MEI4: variants seen among roughly 807,000 people sequenced by gnomAD.
MEI4 encodes the protein meiosis-specific protein MEI4.
A neutral mutation model predicts 31.4 loss-of-function variants in MEI4; 27 were observed. That is an observed-to-expected ratio of 0.86 (90% CI 0.63 to 1.19). The LOEUF (loss-of-function observed/expected upper bound fraction) is 1.19, where lower values mean the gene tolerates loss of function less well. Ranked by LOEUF, MEI4 falls within the 50% of genes most tolerant of loss-of-function variation. The probability of loss-of-function intolerance (pLI) is 0.00; values close to 1 mark genes in which losing one functional copy is unlikely to be tolerated. For missense variants in MEI4, 329 were observed against 398.9 expected (o/e 0.82, Z 1.49); for synonymous variants, 122 against 145.4 (o/e 0.84, Z 1.16).
intron 2 of MEI4, among the ~76,000 whole-genome samples, chr6:77,757,355 T>C (rs548646860): frequency 2.0e-5 from 3 of 152,310 alleles, no homozygotes; most frequent in East Asian, 3.9e-4. Context: ...GAGATTCTTC[T>C]TTGTGTGTTT....
At chr6:77,726,839 A>G (rs1766836895) in intron 2 of MEI4, among the ~76,000 whole-genome samples, 1 of 139,688 alleles carries the variant, frequency 7.2e-6, no homozygotes, top group Non-Finnish European at 1.6e-5. Flanking sequence ...AAATAAGCTT[A>G]TTTAATAACT....
At chr6:77,854,964 A>G (rs1041514682) in intron 4 of MEI4, among the ~76,000 whole-genome samples, 2 of 128,684 alleles carry the variant, frequency 1.6e-5, no homozygotes, top group African/African-American at 5.8e-5. Context: ...CCAAAATAAT[A>G]ATAATAGACA....
chr6:77,742,695 C>T (rs1216737059), intron 2 of MEI4, among the ~76,000 whole-genome samples: 1 of 152,164 alleles, frequency 6.6e-6, no homozygotes, highest in African/African-American at 2.4e-5. Flanking sequence ...AGTCCTTGCC[C>T]ATGCCTGTGT....
At position 77,821,079 on chromosome 6, in the gene MEI4, T is replaced by C. The variant is rs113454139; in HGVS notation, c.769-7852T>C. On this transcript the variant is annotated intron_variant, in intron 3 of 4. Coordinates refer to ENST00000684080, the MANE Select transcript of MEI4 (RefSeq NM_001322247.2). ...AGTTTATTGCCTTTCTCTTTACTTGTAACTAATTTGTTTATTATTTCATTC... is the reference window on the plus strand; with the variant it reads ...AGTTTATTGCCTTTCTCTTTACTTGCAACTAATTTGTTTATTATTTCATTC... Among the ~76,000 whole-genome samples, 788 of 152,254 alleles carry C rather than the reference T, an allele frequency of 5.2e-3. 7 individuals are homozygous for C. Among genetic ancestry groups the C allele is most frequent in the African/African-American group, 0.018 (769 of 41,570 alleles).
chr6:77,889,165 G>T (rs58186936), intron 4 of MEI4, among the ~76,000 whole-genome samples: 1 of 152,096 alleles, frequency 6.6e-6, no homozygotes, highest in East Asian at 1.9e-4. Context: ...GGTATCTGCT[G>T]TTGTCCCCAC....
chr6:77,687,490 A>C (rs1769079749), intron 1 of MEI4, among the ~76,000 whole-genome samples: 1 of 152,034 alleles, frequency 6.6e-6, no homozygotes, highest in Non-Finnish European at 1.5e-5. Flanking sequence ...TCTGACACTA[A>C]CTACCTGGAG....
intron 4 of MEI4, among the ~76,000 whole-genome samples, chr6:77,835,429 A>T (rs1770195730): frequency 1.3e-5 from 2 of 151,254 alleles, no homozygotes; most frequent in Admixed American, 6.6e-5. Context: ...AAGAAGAGAA[A>T]AAAGCTCCCA....
chr6:77,916,682 C>A (rs1766557322), intron 4 of MEI4, among the ~76,000 whole-genome samples: 3 of 151,978 alleles, frequency 2.0e-5, no homozygotes, highest in Non-Finnish European at 4.4e-5. Context: ...CTTTGCTTAT[C>A]CATTAGAAAC....
chr6:77,754,992 T>C (rs9343655), intron 2 of MEI4, among the ~76,000 whole-genome samples: 22,627 of 152,020 alleles, frequency 0.15, 2,037 homozygotes, highest in East Asian at 0.39. Context: ...TGGGTTTAAT[T>C]TTATGGGTAA....
intron 3 of MEI4, among the ~76,000 whole-genome samples, chr6:77,785,279 G>C (rs568065361): frequency 6.6e-6 from 1 of 152,144 alleles, no homozygotes; most frequent in Non-Finnish European, 1.5e-5. Context: ...GCTCTCTGGA[G>C]TAAGAGATGA....
At chr6:77,841,333 A>ATATTTTTTTTTTTTTTTTT in intron 4 of MEI4, among the ~76,000 whole-genome samples, 1 of 27,748 alleles carries the variant, frequency 3.6e-5, no homozygotes, top group African/African-American at 3.3e-4. Context: ...ATATATATAT[A>ATATTTTTTTTTTTTTTTTT]TTTTTTTTTT....
At chr6:77,800,145 T>C (rs1769207052) in intron 3 of MEI4, among the ~76,000 whole-genome samples, 1 of 152,164 alleles carries the variant, frequency 6.6e-6, no homozygotes, top group African/African-American at 2.4e-5. Flanking sequence ...TGTTCTTCCA[T>C]TTCTTTGTAT....
At chr6:77,691,862 T>C (rs527878997) in intron 2 of MEI4, among the ~76,000 whole-genome samples, 1 of 152,146 alleles carries the variant, frequency 6.6e-6, no homozygotes, top group African/African-American at 2.4e-5. Context: ...CACTGGGCTT[T>C]TTTGAAGCAG....
chr6:77,690,883 G>A lies in MEI4; in HGVS notation c.212G>A (p.Cys71Tyr). Residue 71 changes from cysteine to tyrosine, a missense_variant, in exon 2 of 5, where the codon TGT becomes TAT. By Grantham distance (194) the Cys-to-Tyr change is radical. Coordinates refer to ENST00000684080, the MANE Select transcript of MEI4 (RefSeq NM_001322247.2). ...CAAAAACTTCTTGTGAGCAGGCTTT[G>A]TTCAGGATCCTTTAAGAGTGGTGAG... ...LRQKLLVSRL[C>Y]SGSFKSGYVS... is the part of the protein sequence containing the mutation. The A allele has an allele frequency of 8.1e-7, 1 of 1,231,098 alleles. No individual in the cohort carries two copies. Among genetic ancestry groups the A allele is most frequent in the Non-Finnish European group, 1.0e-6 (1 of 987,128 alleles). 76.3% of individuals were successfully genotyped at this position (1,231,098 alleles called of 1,614,324 possible). A position where few individuals can be genotyped will look rare whatever the true frequency, so the allele number is the denominator to read the frequency against.
intron 4 of MEI4, among the ~76,000 whole-genome samples, chr6:77,917,874 TTTC>T (rs906463470): frequency 6.8e-6 from 1 of 147,822 alleles, no homozygotes; most frequent in Non-Finnish European, 1.5e-5. Context: ...ATGCCTAGGT[TTTC>T]TTCTAGGGTT....
chr6:77,790,367 G>T (rs955984379), intron 3 of MEI4, among the ~76,000 whole-genome samples: 1 of 151,986 alleles, frequency 6.6e-6, no homozygotes, highest in East Asian at 1.9e-4. Context: ...CCTGCACGTT[G>T]TGCACATGTA....
Position 77,806,888 on chromosome 6 carries a change from A to G in MEI4, c.769-22043A>G, listed in dbSNP as rs73760051. 9.1e-3 allele frequency among the ~76,000 whole-genome samples: 1,392 copies of G among 152,270 alleles called. 17 individuals are homozygous for G. Among genetic ancestry groups the G allele is most frequent in the African/African-American group, 0.031 (1,288 of 41,558 alleles). On this transcript the variant is annotated intron_variant, in intron 3 of 4. Coordinates refer to ENST00000684080, the MANE Select transcript of MEI4 (RefSeq NM_001322247.2). Reference sequence around the variant, plus strand: ...ACACCCATGTGTTTATGTGTTGTCTATGGCTGCTTTTGTACCACAATGGCA... The same window carrying G: ...ACACCCATGTGTTTATGTGTTGTCTGTGGCTGCTTTTGTACCACAATGGCA...
upstream of MEI4, among the ~76,000 whole-genome samples, chr6:77,651,274 A>G (rs115053867): frequency 6.6e-6 from 1 of 152,188 alleles, no homozygotes; most frequent in Admixed American, 6.5e-5. Context: ...CCACATATGT[A>G]TGGAGAAAAC....
chr6:77,922,014 A>G (rs750746384), intron 4 of MEI4, among the ~76,000 whole-genome samples: 13 of 151,766 alleles, frequency 8.6e-5, no homozygotes, highest in Non-Finnish European at 1.5e-5. Flanking sequence ...CTGATAGACT[A>G]GTTTGATGCA....
Sources: allele counts gnomAD v4.1 joint callset (sites outside exome capture counted in the v4.1 genomes callset), GRCh38; gene constraint gnomAD v4.1.1; transcripts MANE v1.5; gene names NCBI Gene and HGNC (gene_info 2026-07-23, HGNC 2026-07-21).